The following GPC5 variants were observed in gnomAD, a reference collection of about 807,000 sequenced individuals.
GPC5 encodes glypican 5.
A neutral mutation model predicts 53.9 loss-of-function variants in GPC5; 47 were observed. The observed-to-expected ratio is 0.87, with a 90% CI of 0.69 to 1.11. The LOEUF is 1.11. Ranked by LOEUF, GPC5 falls within the 50% of genes most tolerant of loss-of-function variation. The probability of loss-of-function intolerance (pLI) is 0.00; values close to 1 mark genes in which losing one functional copy is unlikely to be tolerated. For synonymous variants in GPC5, 286 were observed against 263.3 expected (o/e 1.09, Z -0.84); for missense variants, 748 against 713.1 (o/e 1.05, Z -0.56).
chr13:91,933,481 T>C (rs1400351191), intron 6 of GPC5, among the ~76,000 whole-genome samples: 1 of 152,010 alleles, frequency 6.6e-6, no homozygotes, highest in Non-Finnish European at 1.5e-5. Flanking sequence ...CAATATTTAC[T>C]ATACACCCTG....
intron 7 of GPC5, among the ~76,000 whole-genome samples, chr13:92,801,171 G>A (rs1449128966): frequency 6.6e-6 from 1 of 151,486 alleles, no homozygotes. Flanking sequence ...CCATGACTAT[G>A]TGAACACATG....
At chr13:91,519,793 G>A (rs1246746044) in intron 2 of GPC5, among the ~76,000 whole-genome samples, 2 of 151,988 alleles carry the variant, frequency 1.3e-5, no homozygotes, top group Non-Finnish European at 1.5e-5. Context: ...TTTACTTTTA[G>A]CCAAAGCTGG....
At chr13:91,804,156 A>G (rs2038182950) in intron 5 of GPC5, among the ~76,000 whole-genome samples, 1 of 152,220 alleles carries the variant, frequency 6.6e-6, no homozygotes, top group South Asian at 2.1e-4. Context: ...TGTACCATGA[A>G]CAAAATATAT....
At chr13:92,772,833 G>A (rs987199480) in intron 7 of GPC5, among the ~76,000 whole-genome samples, 7 of 151,922 alleles carry the variant, frequency 4.6e-5, no homozygotes, top group Admixed American at 3.3e-4. Flanking sequence ...TTCTTTTCCT[G>A]GTTGACATAT....
At chr13:92,107,145 C>G (rs1382313487) in intron 6 of GPC5, among the ~76,000 whole-genome samples, 1 of 151,884 alleles carries the variant, frequency 6.6e-6, no homozygotes, top group African/African-American at 2.4e-5. Context: ...GTGACAGTGT[C>G]AGAAATGAAT....
At chr13:92,669,505 A>G (rs1381688156) in intron 7 of GPC5, among the ~76,000 whole-genome samples, 1 of 152,166 alleles carries the variant, frequency 6.6e-6, no homozygotes, top group East Asian at 1.9e-4. Flanking sequence ...TTTGCTGTAT[A>G]TCGTCGGCTT....
intron 3 of GPC5, among the ~76,000 whole-genome samples, chr13:91,703,337 G>A (rs1475401806): frequency 6.6e-6 from 1 of 152,058 alleles, no homozygotes; most frequent in East Asian, 1.9e-4. Flanking sequence ...TTATTGTATT[G>A]AGATAAATTC....
chr13:91,839,979 C>T (rs752728277), intron 5 of GPC5, among the ~76,000 whole-genome samples: 1 of 152,004 alleles, frequency 6.6e-6, no homozygotes, highest in South Asian at 2.1e-4. Flanking sequence ...TCCTTATGCA[C>T]TAGCAATGAG....
At position 92,385,363 on chromosome 13, in the gene GPC5, C is replaced by CAT. The variant is rs71882570; in HGVS notation, c.1561+240382_1561+240383dup. ...ATATATATACATATATACATATATA[C>CAT]ATATATATACATATATACATATATA... On this transcript the variant is annotated intron_variant, in intron 7 of 7. Transcript: ENST00000377067. Among the ~76,000 whole-genome samples the CAT allele has an allele frequency of 4.3e-5, 4 of 92,192 alleles. 1 individual carries two copies. The highest frequency in any genetic ancestry group is 8.3e-5 in the Non-Finnish European group (4 of 47,948). The allele number at this position is 92,192 out of a possible 152,430, so 60.5% of individuals were successfully genotyped here. A position where few individuals can be genotyped will look rare whatever the true frequency, so the allele number is the denominator to read the frequency against.
At chr13:92,049,783 A>G (rs1339101111) in intron 6 of GPC5, among the ~76,000 whole-genome samples, 1 of 152,174 alleles carries the variant, frequency 6.6e-6, no homozygotes, top group Non-Finnish European at 1.5e-5. Flanking sequence ...TATGACCAAA[A>G]CATGCATAAA....
rs1400276873 is a variant in GPC5 at position 91,572,211 on chromosome 13, G to GTA, written c.326-120975_326-120974insAT. On this transcript the variant is annotated intron_variant, in intron 2 of 7. Coordinates refer to ENST00000377067, the MANE Select transcript of GPC5 (RefSeq NM_004466.6). ...TATACACACACATATGTATATATAC[G>GTA]TGTATATATATACACATATGTATAT... Among the ~76,000 whole-genome samples the GTA allele has an allele frequency of 3.2e-4, 37 of 114,708 alleles. 2 individuals carry two copies. The highest frequency in any genetic ancestry group is 2.7e-4 in the Non-Finnish European group (15 of 56,092). The allele number at this position is 114,708 out of a possible 152,430, so 75.3% of individuals were successfully genotyped here.
At chr13:92,354,797 C>T (rs1308703982) in intron 7 of GPC5, among the ~76,000 whole-genome samples, 1 of 152,052 alleles carries the variant, frequency 6.6e-6, no homozygotes, top group Non-Finnish European at 1.5e-5. Context: ...AAGTAATACT[C>T]ATGCAGAGGT....
chr13:91,787,885 A>G (rs1308371868), intron 5 of GPC5, among the ~76,000 whole-genome samples: 1 of 152,194 alleles, frequency 6.6e-6, no homozygotes, highest in Non-Finnish European at 1.5e-5. Context: ...CATTTAAAAT[A>G]ACATGTATAA....
At chr13:92,682,651 GCAATA>G (rs2139224191) in intron 7 of GPC5, among the ~76,000 whole-genome samples, 1 of 152,180 alleles carries the variant, frequency 6.6e-6, no homozygotes, top group African/African-American at 2.4e-5. Context: ...TAGTTTTATT[GCAATA>G]CAATTACTGA....
intron 6 of GPC5, among the ~76,000 whole-genome samples, chr13:91,991,873 A>G (rs1363428942): frequency 6.6e-6 from 1 of 152,210 alleles, no homozygotes; most frequent in Non-Finnish European, 1.5e-5. Flanking sequence ...ATTTTTATAA[A>G]CATTAGTGTG....
chr13:92,231,907 A>C (rs1320854961), intron 7 of GPC5, among the ~76,000 whole-genome samples: 1 of 152,180 alleles, frequency 6.6e-6, no homozygotes, highest in Non-Finnish European at 1.5e-5. Flanking sequence ...TGGAGGTTGC[A>C]GTGAGCCGAG....
chr13:91,680,775 C>G (rs532813334), intron 2 of GPC5, among the ~76,000 whole-genome samples: 2 of 152,242 alleles, frequency 1.3e-5, no homozygotes, highest in African/African-American at 4.8e-5. Context: ...AAACAAGATG[C>G]TGTTCACAGA....
At chr13:92,236,849 T>TA (rs1307427909) in intron 7 of GPC5, among the ~76,000 whole-genome samples, 1 of 151,796 alleles carries the variant, frequency 6.6e-6, no homozygotes, top group Non-Finnish European at 1.5e-5. Flanking sequence ...TATCAGCATT[T>TA]TTTTTTTGTT....
chr13:91,972,643 C>T (rs111482414), intron 6 of GPC5, among the ~76,000 whole-genome samples: 1 of 152,124 alleles, frequency 6.6e-6, no homozygotes, highest in South Asian at 2.1e-4. Flanking sequence ...CCTTCAGGAG[C>T]TCTTTTAGGG....
Sources: allele counts gnomAD v4.1 joint callset (sites outside exome capture counted in the v4.1 genomes callset), GRCh38; gene constraint gnomAD v4.1.1; transcripts MANE v1.5; gene names NCBI Gene and HGNC (gene_info 2026-07-23, HGNC 2026-07-21).